NEO1: variants seen among roughly 807,000 people sequenced by gnomAD.
The protein encoded by NEO1 is neogenin.
In NEO1, 63 loss-of-function variants were observed where a neutral mutation model predicts 159.7. That is an observed-to-expected ratio of 0.39 (90% CI 0.32 to 0.49). The LOEUF (loss-of-function observed/expected upper bound fraction) is 0.49, where lower values mean the gene tolerates loss of function less well. Ranked by LOEUF, NEO1 falls within the 20% of genes least tolerant of loss-of-function variation. The pLI is 0.85. For synonymous variants in NEO1, 633 were observed against 662.0 expected (o/e 0.96, Z 0.67); for missense variants, 1,615 against 1,831.0 (o/e 0.88, Z 2.15).
intron 7 of NEO1, among the ~76,000 whole-genome samples, chr15:73,192,264 C>T (rs1364998175): frequency 6.6e-6 from 1 of 152,016 alleles, no homozygotes; most frequent in African/African-American, 2.4e-5. Flanking sequence ...TACATATACA[C>T]ATATTCATGT....
chr15:73,169,963 G>A (rs2034844049), intron 5 of NEO1, among the ~76,000 whole-genome samples: 1 of 151,908 alleles, frequency 6.6e-6, no homozygotes, highest in South Asian at 2.1e-4. Context: ...GAGAAACAGG[G>A]TTAGAAGGTA....
At chr15:73,228,793 G>A (rs1412008279) in intron 7 of NEO1, among the ~76,000 whole-genome samples, 10 of 152,106 alleles carry the variant, frequency 6.6e-5, no homozygotes. Flanking sequence ...TACTTTGCAT[G>A]TGGATATATT....
intron 5 of NEO1, among the ~76,000 whole-genome samples, chr15:73,151,605 C>A (rs993725238): frequency 1.3e-5 from 2 of 152,132 alleles, no homozygotes; most frequent in Non-Finnish European, 2.9e-5. Flanking sequence ...TGTCCTTCTT[C>A]ACATGGTGGC....
At chr15:73,140,629 T>TA (rs200325270) in intron 5 of NEO1, among the ~76,000 whole-genome samples, 1,833 of 152,282 alleles carry the variant, frequency 0.012, 11 homozygotes, top group Non-Finnish European at 0.02. Flanking sequence ...GGAGTATACT[T>TA]ACCAGAAATG....
rs575980223 is a variant in NEO1, at chr15:73,204,764, G to T, written c.1291+26337G>T. Among the ~76,000 whole-genome samples the T allele has an allele frequency of 1.2e-3, 179 of 152,150 alleles. 1 individual carries two copies. Among genetic ancestry groups the T allele is most frequent in the African/African-American group, 4.1e-3 (169 of 41,518 alleles). On this transcript the variant is annotated intron_variant, in intron 7 of 28. Transcript: ENST00000261908. ...ACATCTTTGTCTTTTTCTGATGGTT[G>T]TTTTGTTTCTTCAGACTGGGGTTTT...
At chr15:73,145,023 C>G (rs2032767327) in intron 5 of NEO1, among the ~76,000 whole-genome samples, 1 of 152,154 alleles carries the variant, frequency 6.6e-6, no homozygotes, top group Non-Finnish European at 1.5e-5. Context: ...TCCTCAAATC[C>G]ATTCTTCACA....
intron 7 of NEO1, among the ~76,000 whole-genome samples, chr15:73,207,688 C>T (rs1420271708): frequency 6.6e-6 from 1 of 152,148 alleles, no homozygotes; most frequent in Non-Finnish European, 1.5e-5. Context: ...TGTCAATGTC[C>T]TTGTGTCACT....
At chr15:73,066,060 C>G (rs1161268260) in intron 1 of NEO1, among the ~76,000 whole-genome samples, 1 of 138,386 alleles carries the variant, frequency 7.2e-6, no homozygotes, top group Non-Finnish European at 1.5e-5. Context: ...GAGACGGAGT[C>G]TTGCTCTGTC....
At chr15:73,296,908 A>G (rs901367439) in intron 26 of NEO1, among the ~76,000 whole-genome samples, 1 of 152,200 alleles carries the variant, frequency 6.6e-6, no homozygotes, top group African/African-American at 2.4e-5. Flanking sequence ...GGAATTTTTC[A>G]TTTAAATTTT....
chr15:73,215,459 G>A (rs971397000), intron 7 of NEO1, among the ~76,000 whole-genome samples: 6 of 152,108 alleles, frequency 3.9e-5, no homozygotes, highest in African/African-American at 1.4e-4. Flanking sequence ...TCCCTTGTAT[G>A]CTGATTTGCT....
chr15:73,294,422 G>C (rs145418419), intron 26 of NEO1, among the ~76,000 whole-genome samples: 1 of 152,142 alleles, frequency 6.6e-6, no homozygotes, highest in African/African-American at 2.4e-5. Flanking sequence ...AGTTTTGCTG[G>C]TCTGGGGAAT....
intron 5 of NEO1, among the ~76,000 whole-genome samples, chr15:73,142,659 G>A (rs2032504700): frequency 6.6e-6 from 1 of 152,082 alleles, no homozygotes; most frequent in African/African-American, 2.4e-5. Flanking sequence ...GGAGGCAAAG[G>A]CTCCCCATCC....
At chr15:73,053,666 C>T (rs1191876217) in intron 1 of NEO1, among the ~76,000 whole-genome samples, 1 of 152,126 alleles carries the variant, frequency 6.6e-6, no homozygotes, top group African/African-American at 2.4e-5. Flanking sequence ...AGGGGACCAA[C>T]GAACAAAAAT....
chr15:73,107,215 T>A (rs1330123502), intron 1 of NEO1, among the ~76,000 whole-genome samples: 1 of 152,218 alleles, frequency 6.6e-6, no homozygotes, highest in Non-Finnish European at 1.5e-5. Context: ...TATATTGGGT[T>A]GCTTTTTCTT....
In NEO1 at chr15:73,126,647, A is replaced by C; in HGVS notation, c.878+77A>C. 2.9e-6 allele frequency: 4 copies of C among 1,377,296 alleles called. No homozygotes were observed. In the South Asian group the frequency reaches 5.9e-5, roughly 20 times the overall value. 85.3% of individuals were successfully genotyped at this position (1,377,296 alleles called of 1,614,324 possible). A position where few individuals can be genotyped will look rare whatever the true frequency, so the allele number is the denominator to read the frequency against. On this transcript the variant is annotated intron_variant, in intron 4 of 28. Coordinates refer to ENST00000261908, the MANE Select transcript of NEO1 (RefSeq NM_002499.4). ...CATATCCCATTTGGGACTATTGACTAATTTAAAAAGATTATCAACTTTATT... is the reference window on the plus strand; with the variant it reads ...CATATCCCATTTGGGACTATTGACTCATTTAAAAAGATTATCAACTTTATT...
chr15:73,298,698 AAGTAT>A, intron 27 of NEO1, 87 bp downstream of exon 27: 1 of 1,517,906 alleles, frequency 6.6e-7, no homozygotes, highest in Non-Finnish European at 9.0e-7. Context: ...CCCTTCTTTG[AAGTAT>A]AGCAAAGCAA....
intron 7 of NEO1, among the ~76,000 whole-genome samples, chr15:73,197,883 G>A (rs1312551634): frequency 6.6e-6 from 1 of 151,886 alleles, no homozygotes; most frequent in South Asian, 2.1e-4. Flanking sequence ...GTTTTACAAT[G>A]TTGGTCAGGC....
At chr15:73,132,506 A>C (rs1376134998) in intron 4 of NEO1, among the ~76,000 whole-genome samples, 1 of 152,194 alleles carries the variant, frequency 6.6e-6, no homozygotes, top group Non-Finnish European at 1.5e-5. Flanking sequence ...CTGAATGCAA[A>C]AGCAAACACA....
intron 5 of NEO1, among the ~76,000 whole-genome samples, chr15:73,164,490 C>T (rs2034432478): frequency 6.6e-6 from 1 of 152,166 alleles, no homozygotes; most frequent in African/African-American, 2.4e-5. Flanking sequence ...GCTGGAATTA[C>T]AGGCATAAGC....
Sources: gnomAD v4.1 joint callset for allele counts (sites outside exome capture counted in the v4.1 genomes callset) on GRCh38, gnomAD v4.1.1 for gene constraint, MANE v1.5 for transcripts, NCBI Gene and HGNC (gene_info 2026-07-23, HGNC 2026-07-21) for gene names.